The following PDE1C variants were observed in gnomAD, a reference collection of about 807,000 sequenced individuals.
PDE1C encodes the protein dual specificity calcium/calmodulin-dependent 3',5'-cyclic nucleotide phosphodiesterase 1C.
Under a neutral mutation model 93.1 loss-of-function variants are expected in PDE1C, and 62 were observed. That is an observed-to-expected ratio of 0.67 (90% CI 0.54 to 0.82). PDE1C has a LOEUF of 0.82. Among genes scored for constraint, PDE1C ranks in the 40% least tolerant of loss-of-function variants. PDE1C has a pLI of 0.00. For synonymous variants in PDE1C, 325 were observed against 310.1 expected (o/e 1.05, Z -0.50); for missense variants, 742 against 884.6 (o/e 0.84, Z 2.04).
chr7:32,015,944 T>G (rs993927053), intron 2 of PDE1C, among the ~76,000 whole-genome samples: 3 of 152,108 alleles, frequency 2.0e-5, no homozygotes, highest in African/African-American at 7.2e-5. Context: ...TGGACCAAAT[T>G]GAGGACTAGC....
At chr7:32,418,011 G>C (rs1785309961) in intron 1 of PDE1C, among the ~76,000 whole-genome samples, 1 of 152,108 alleles carries the variant, frequency 6.6e-6, no homozygotes, top group Non-Finnish European at 1.5e-5. Flanking sequence ...TTGGTTTTGA[G>C]ACAGAATCTC....
chr7:32,164,374 C>T (rs1802095381), intron 3 of PDE1C, among the ~76,000 whole-genome samples: 1 of 152,164 alleles, frequency 6.6e-6, no homozygotes, highest in African/African-American at 2.4e-5. Context: ...ATAACTCAAA[C>T]TATATATCCA....
At chr7:32,171,473 T>G (rs1802647980) in intron 2 of PDE1C, among the ~76,000 whole-genome samples, 1 of 150,130 alleles carries the variant, frequency 6.7e-6, no homozygotes, top group East Asian at 1.9e-4. Flanking sequence ...ATACAATAAC[T>G]ATTTACTTAA....
intron 2 of PDE1C, among the ~76,000 whole-genome samples, chr7:31,944,424 C>G (rs1806304696): frequency 6.6e-6 from 1 of 152,190 alleles, no homozygotes; most frequent in Non-Finnish European, 1.5e-5. Flanking sequence ...CAAGGCAGCT[C>G]TCCTGAGGGT....
chr7:32,400,824 A>C (rs968250565), intron 1 of PDE1C, among the ~76,000 whole-genome samples: 1 of 152,262 alleles, frequency 6.6e-6, no homozygotes. Context: ...GCCACAATAC[A>C]GAAGGTTCCC....
intron 2 of PDE1C, among the ~76,000 whole-genome samples, chr7:32,025,051 A>G (rs746368612): frequency 3.3e-5 from 5 of 152,112 alleles, no homozygotes; most frequent in Non-Finnish European, 7.4e-5. Context: ...TCCCAGAATC[A>G]CTGACAGAAG....
chr7:31,682,769 A>G, the PDE1C span, among the ~76,000 whole-genome samples: 3 of 152,234 alleles, frequency 2.0e-5, no homozygotes, highest in African/African-American at 4.8e-5. Flanking sequence ...CGGTACATCC[A>G]TAACATGGAA....
At chr7:31,910,121 G>T (rs567629235) in intron 2 of PDE1C, among the ~76,000 whole-genome samples, 1 of 152,048 alleles carries the variant, frequency 6.6e-6, no homozygotes, top group Non-Finnish European at 1.5e-5. Flanking sequence ...ATGGAAACAC[G>T]CCCAGGGTGA....
chr7:32,200,082 C>T (rs1222164475), intron 2 of PDE1C, among the ~76,000 whole-genome samples: 1 of 152,164 alleles, frequency 6.6e-6, no homozygotes, highest in East Asian at 1.9e-4. Flanking sequence ...AACTCAAAAT[C>T]CAAAACATTT....
chr7:32,306,525 T>G (rs1364175119), intron 1 of PDE1C, among the ~76,000 whole-genome samples: 1 of 152,198 alleles, frequency 6.6e-6, no homozygotes, highest in African/African-American at 2.4e-5. Context: ...GTCTCTCACA[T>G]GAATTATCAC....
At chr7:31,774,399 G>T (rs1795698618) in intron 17 of PDE1C, among the ~76,000 whole-genome samples, 1 of 152,170 alleles carries the variant, frequency 6.6e-6, no homozygotes, top group Non-Finnish European at 1.5e-5. Flanking sequence ...GCATTAGCAA[G>T]GGGATCATGA....
At chr7:31,627,019 CAT>C in the PDE1C span, among the ~76,000 whole-genome samples, 1 of 152,236 alleles carries the variant, frequency 6.6e-6, no homozygotes, top group Non-Finnish European at 1.5e-5. Context: ...GTCTAAAACA[CAT>C]ATGTTGAGGA....
At chr7:31,651,761 A>C in the PDE1C span, among the ~76,000 whole-genome samples, 1 of 137,854 alleles carries the variant, frequency 7.3e-6, no homozygotes, top group Non-Finnish European at 1.6e-5. Context: ...ATACTGCAAT[A>C]AAGTTGTTTT....
At chr7:31,654,446 G>T in the PDE1C span, among the ~76,000 whole-genome samples, 1 of 152,184 alleles carries the variant, frequency 6.6e-6, no homozygotes, top group Non-Finnish European at 1.5e-5. Flanking sequence ...GAAAGCCACT[G>T]TGGGTTTTAA....
At chr7:32,186,619 T>G (rs1584926624) in intron 2 of PDE1C, among the ~76,000 whole-genome samples, 1 of 152,096 alleles carries the variant, frequency 6.6e-6, no homozygotes, top group East Asian at 1.9e-4. Context: ...GGTAACAATA[T>G]AGTCATTATA....
intron 2 of PDE1C, among the ~76,000 whole-genome samples, chr7:31,974,385 T>C (rs1324162081): frequency 6.6e-6 from 1 of 152,222 alleles, no homozygotes; most frequent in African/African-American, 2.4e-5. Context: ...AAAATAAAAT[T>C]ATCCCTTTTA....
intron 11 of PDE1C, among the ~76,000 whole-genome samples, chr7:31,833,077 C>A (rs1403062711): frequency 6.6e-6 from 1 of 152,148 alleles, no homozygotes; most frequent in Non-Finnish European, 1.5e-5. Context: ...ATAATGGGGG[C>A]AGTTTCCTCC....
chr7:31,885,281 T>C (rs976669422), intron 2 of PDE1C, among the ~76,000 whole-genome samples: 2 of 152,208 alleles, frequency 1.3e-5, no homozygotes, highest in Non-Finnish European at 2.9e-5. Context: ...TGTTCATAGT[T>C]TCCAGCACTC....
At chr7:32,166,579 T>A (rs1802289923) in intron 3 of PDE1C, among the ~76,000 whole-genome samples, 1 of 152,218 alleles carries the variant, frequency 6.6e-6, no homozygotes, top group Admixed American at 6.5e-5. Flanking sequence ...GTTGAGATGG[T>A]GTTTGCACAA....
Sources: allele counts gnomAD v4.1 joint callset (sites outside exome capture counted in the v4.1 genomes callset), GRCh38; gene constraint gnomAD v4.1.1; transcripts MANE v1.5; gene names NCBI Gene and HGNC (gene_info 2026-07-23, HGNC 2026-07-21).